The following GBE1 variants were observed in gnomAD, a reference collection of about 807,000 sequenced individuals.
GBE1 encodes 1,4-alpha-glucan-branching enzyme.
Under a neutral mutation model 88.8 loss-of-function variants are expected in GBE1, and 70 were observed. That is an observed-to-expected ratio of 0.79 (90% CI 0.65 to 0.96). The LOEUF is 0.96. Ranked by LOEUF, GBE1 falls within the 40% of genes least tolerant of loss-of-function variation. GBE1 has a pLI of 0.00. For synonymous variants in GBE1, 284 were observed against 300.1 expected, an observed-to-expected ratio of 0.95 and a Z score of 0.56; for missense variants, 872 against 871.0, an observed-to-expected ratio of 1.00 and a Z score of -0.01.
At chr3:81,700,217 T>C (rs1237852760) in intron 2 of GBE1, among the ~76,000 whole-genome samples, 2 of 152,088 alleles carry the variant, frequency 1.3e-5, no homozygotes, top group East Asian at 1.9e-4. Flanking sequence ...AGCTGACTAA[T>C]AGAGACAAAA....
intron 1 of GBE1, 35 bp downstream of exon 1, chr3:81,761,340 C>G (rs760325248): frequency 2.5e-6 from 4 of 1,579,610 alleles, no homozygotes; most frequent in Middle Eastern, 3.5e-4. Context: ...GGCGGGCTGC[C>G]TGTCTAAGTG....
chr3:81,729,109 T>C (rs1706153559), intron 1 of GBE1, among the ~76,000 whole-genome samples: 1 of 152,188 alleles, frequency 6.6e-6, no homozygotes, highest in Non-Finnish European at 1.5e-5. Flanking sequence ...TATTATCTGT[T>C]CTATCAAACA....
intron 1 of GBE1, among the ~76,000 whole-genome samples, chr3:81,743,837 C>G (rs1575774679): frequency 6.6e-6 from 1 of 152,094 alleles, no homozygotes; most frequent in Admixed American, 6.6e-5. Context: ...TCAACGTGGA[C>G]TAGCCATGCC....
intron 12 of GBE1, among the ~76,000 whole-genome samples, chr3:81,556,947 T>A (rs1313550060): frequency 1.3e-5 from 2 of 152,102 alleles, no homozygotes; most frequent in Non-Finnish European, 2.9e-5. Context: ...TTTTTGTTTA[T>A]CGAACATTTA....
chr3:81,648,858 A>T lies in GBE1; in HGVS notation c.689T>A (p.Leu230His). 6.6e-7 allele frequency: 1 copy of T among 1,505,948 alleles called. No homozygotes were observed. Among genetic ancestry groups the T allele is most frequent in the African/African-American group, 1.4e-5 (1 of 69,768 alleles). The allele number at this position is 1,505,948 out of a possible 1,614,324, so 93.3% of individuals were successfully genotyped here. A position where few individuals can be genotyped will look rare whatever the true frequency, so the allele number is the denominator to read the frequency against. The stretch of plus-strand genomic sequence containing the variant: ...TAAAAATCACAGTTATTACTTACCA[A>T]GGCCTTTGATTCTTGGTAGTACATT... ...TCNVLPRIKG[L>H]GYNCIQLMAI... is the part of the protein sequence containing the mutation. Residue 230 changes from leucine to histidine, a missense_variant and splice_region_variant, in exon 5 of 16, where the codon CTT (leucine) becomes CAT (histidine). Leu to His is a moderately conservative substitution (Grantham distance 99). Coordinates refer to ENST00000429644, the MANE Select transcript of GBE1 (RefSeq NM_000158.4).
At chr3:81,646,916 C>A (rs1704772791) in intron 5 of GBE1, among the ~76,000 whole-genome samples, 1 of 150,078 alleles carries the variant, frequency 6.7e-6, no homozygotes. Flanking sequence ...TTCCATATAG[C>A]ATAAGAAATA....
At chr3:81,585,055 G>A (rs558315620) in intron 10 of GBE1, among the ~76,000 whole-genome samples, 1 of 151,880 alleles carries the variant, frequency 6.6e-6, no homozygotes, top group African/African-American at 2.4e-5. Context: ...ACAAGGCTAC[G>A]TTCCCATGTA....
intron 2 of GBE1, among the ~76,000 whole-genome samples, chr3:81,675,548 C>T (rs1024122358): frequency 3.9e-5 from 6 of 151,996 alleles, no homozygotes; most frequent in African/African-American, 1.4e-4. Flanking sequence ...ATGATATTCA[C>T]ACCGAAACAT....
intron 2 of GBE1, among the ~76,000 whole-genome samples, chr3:81,692,802 T>C (rs1371966225): frequency 1.3e-5 from 2 of 152,214 alleles, no homozygotes; most frequent in Non-Finnish European, 2.9e-5. Context: ...TAAAGCAATC[T>C]ACTTTTAATT....
chr3:81,555,254 T>A (rs1703331536), intron 12 of GBE1, among the ~76,000 whole-genome samples: 1 of 152,194 alleles, frequency 6.6e-6, no homozygotes. Context: ...CAAACATATA[T>A]AGGTTGAACA....
intron 12 of GBE1, among the ~76,000 whole-genome samples, chr3:81,564,805 C>A (rs1404778797): frequency 1.3e-5 from 2 of 152,100 alleles, no homozygotes; most frequent in African/African-American, 4.8e-5. Context: ...CAGTCCAGGT[C>A]AATCTGTCTC....
chr3:81,614,631 G>A (rs546993045), intron 7 of GBE1, among the ~76,000 whole-genome samples: 5 of 152,218 alleles, frequency 3.3e-5, no homozygotes, highest in African/African-American at 1.2e-4. Flanking sequence ...AGGCTGAGGT[G>A]GGCAGATCAC....
Position 81,599,717 on chromosome 3 carries a change from T to TAC in GBE1, c.993-5696_993-5695dup, listed in dbSNP as rs1262324907. 4.6e-5 allele frequency among the ~76,000 whole-genome samples: 7 copies of TAC among 152,252 alleles called. No individual in the cohort carries two copies. In the South Asian group the frequency reaches 1.5e-3, roughly 32 times the overall value. On this transcript the variant is annotated intron_variant, in intron 7 of 15. Coordinates refer to ENST00000429644, the MANE Select transcript of GBE1 (RefSeq NM_000158.4). ...GTACATATATACAGACATAGGTATA[T>TAC]ACACACACACCCATGTTTTTCAAAC...
At chr3:81,544,113 T>C (rs1226000635) in intron 12 of GBE1, among the ~76,000 whole-genome samples, 2 of 152,176 alleles carry the variant, frequency 1.3e-5, no homozygotes, top group Non-Finnish European at 2.9e-5. Flanking sequence ...ATTCACTATA[T>C]TAGAATGCCA....
chr3:81,495,650 A>G (rs1460683510), intron 15 of GBE1, among the ~76,000 whole-genome samples: 3 of 152,196 alleles, frequency 2.0e-5, no homozygotes, highest in Non-Finnish European at 2.9e-5. Flanking sequence ...AGAAATGTAT[A>G]TTAGCTCATC....
intron 7 of GBE1, among the ~76,000 whole-genome samples, chr3:81,616,929 T>A (rs987741469): frequency 6.6e-5 from 10 of 151,994 alleles, no homozygotes; most frequent in Admixed American, 6.6e-4. Context: ...TCTTACTACT[T>A]CTTTTAAGAG....
At chr3:81,539,329 G>A (rs1024234262) in intron 12 of GBE1, among the ~76,000 whole-genome samples, 1 of 152,000 alleles carries the variant, frequency 6.6e-6, no homozygotes, top group Non-Finnish European at 1.5e-5. Context: ...GTGAGAAAGT[G>A]AGATGTAGTA....
At chr3:81,584,781 G>T (rs1034348713) in intron 10 of GBE1, among the ~76,000 whole-genome samples, 1 of 151,500 alleles carries the variant, frequency 6.6e-6, no homozygotes, top group East Asian at 1.9e-4. Flanking sequence ...AAGCTGCCAT[G>T]AATACTCAGA....
At chr3:81,657,476 T>C (rs1339834585) in intron 3 of GBE1, among the ~76,000 whole-genome samples, 1 of 152,166 alleles carries the variant, frequency 6.6e-6, no homozygotes, top group Non-Finnish European at 1.5e-5. Flanking sequence ...TGCTAGTTCA[T>C]TGTGAACTTT....
Sources: gnomAD v4.1 joint callset for allele counts (sites outside exome capture counted in the v4.1 genomes callset) on GRCh38, gnomAD v4.1.1 for gene constraint, MANE v1.5 for transcripts, NCBI Gene and HGNC (gene_info 2026-07-23, HGNC 2026-07-21) for gene names.